WDR82: variants seen among roughly 807,000 people sequenced by gnomAD.
WDR82 encodes the protein WD repeat-containing protein 82.
Under a neutral mutation model 36.1 loss-of-function variants are expected in WDR82, and 8 were observed. The ratio of observed to expected loss-of-function variants is 0.22; its 90% CI spans 0.13 to 0.40. The LOEUF is 0.40. Ranked by LOEUF, WDR82 falls within the 10% of genes least tolerant of loss-of-function variation. The pLI, the probability that WDR82 is intolerant of heterozygous loss-of-function variation, is 1.00. For missense variants in WDR82, 185 were observed against 400.5 expected (o/e 0.46, Z 4.59); for synonymous variants, 129 against 137.8 (o/e 0.94, Z 0.45).
chr3:52,278,174 C>A lies in WDR82; in HGVS notation c.161+27G>T, dbSNP rs1251628854. 14 of 1,564,206 alleles carry A rather than the reference C, an allele frequency of 9.0e-6. No individual in the cohort carries two copies. The Admixed American group carries it at 2.5e-4, about 28-fold the overall frequency. On this transcript the variant is annotated intron_variant, in intron 1 of 8. Coordinates refer to ENST00000296490, the MANE Select transcript of WDR82 (RefSeq NM_025222.4). ...GCCACCGGAGGGAGGCACTGAGACT[C>A]GGGCCCAGGGCCTCCGCCGCACTCA... is the stretch of plus-strand genomic sequence containing the variant.
At position 52,255,220 on chromosome 3, in the gene WDR82, G is replaced by C. The variant is rs898576818; in HGVS notation, c.*2270C>G. On this transcript the variant is annotated 3_prime_UTR_variant, in exon 9 of 9. Transcript: ENST00000296490. ...GCCTCCCAAAGTGCTGGGATTACAG[G>C]TGTGAGCCACCGCGCCCAGCCTTGA... The C allele has an allele frequency of 2.0e-5, 3 of 152,010 alleles. No individual in the cohort carries two copies. Among genetic ancestry groups the C allele is most frequent in the Non-Finnish European group, 4.4e-5 (3 of 68,064 alleles). 9.4% of individuals were successfully genotyped at this position (152,010 alleles called of 1,614,324 possible). A position where few individuals can be genotyped will look rare whatever the true frequency, so the allele number is the denominator to read the frequency against.
At position 52,258,525 on chromosome 3, in the gene WDR82, T is replaced by G. The variant is rs1230602920; in HGVS notation, c.912+11A>C. On this transcript the variant is annotated intron_variant, in intron 8 of 8. Transcript: ENST00000296490. ...TCCCTGAGTAGCAGATACCTCTTAC[T>G]GTTCACATACCATGTTGGAACACGC... The G allele has an allele frequency of 1.8e-5, 29 of 1,613,056 alleles. No homozygotes were observed. The highest frequency in any genetic ancestry group is 2.3e-5 in the Non-Finnish European group (27 of 1,179,892).
chr3:52,263,165 A>G (rs1177180835), intron 3 of WDR82, among the ~76,000 whole-genome samples: 1 of 152,184 alleles, frequency 6.6e-6, no homozygotes, highest in African/African-American at 2.4e-5. Flanking sequence ...CACGTTGTGG[A>G]CATGTAATTT....
Position 52,260,378 on chromosome 3 carries a change from G to A in WDR82, c.543+7C>T. On this transcript the variant is annotated splice_region_variant and intron_variant, in intron 5 of 8. Coordinates refer to ENST00000296490, the MANE Select transcript of WDR82 (RefSeq NM_025222.4). ...AGCTCAAAGATCTCAAAGATTCAAA[G>A]ATTTACCTTATCAAAAGAACGAAGG... 1 of 1,539,716 alleles carries A rather than the reference G, an allele frequency of 6.5e-7. No homozygotes were observed. Among genetic ancestry groups the A allele is most frequent in the Non-Finnish European group, 8.7e-7 (1 of 1,149,394 alleles).
Position 52,257,638 on chromosome 3 carries a change from C to G in WDR82, c.913-119G>C, listed in dbSNP as rs1347568099. On this transcript the variant is annotated intron_variant, in intron 8 of 8. Transcript: ENST00000296490. ...ACCCCAGTGGCTCTGGTAGCCCTCTCTCCTAACCAACCAACCCCGATGCTC... is the reference window on the plus strand; with the variant it reads ...ACCCCAGTGGCTCTGGTAGCCCTCTGTCCTAACCAACCAACCCCGATGCTC... 4 of 1,189,216 alleles carry G rather than the reference C, an allele frequency of 3.4e-6. No individual in the cohort carries two copies. The African/African-American group carries it at 6.1e-5, about 18-fold the overall frequency. 73.7% of individuals were successfully genotyped at this position (1,189,216 alleles called of 1,614,324 possible). A position where few individuals can be genotyped will look rare whatever the true frequency, so the allele number is the denominator to read the frequency against.
At chr3:52,265,679 A>G (rs560636014) in intron 3 of WDR82, among the ~76,000 whole-genome samples, 1 of 151,052 alleles carries the variant, frequency 6.6e-6, no homozygotes, top group African/African-American at 2.4e-5. Context: ...GGGTTCAAGC[A>G]ATTCTCGTGC....
At chr3:52,267,127 C>A in intron 2 of WDR82, 109 bp from the exon 3 acceptor site, 1 of 811,254 alleles carries the variant, frequency 1.2e-6, no homozygotes, top group Non-Finnish European at 2.0e-6. Context: ...ATTCTATATC[C>A]CAAGCAAGGC....
chr3:52,266,347 T>A (rs867880137), intron 3 of WDR82, among the ~76,000 whole-genome samples: 5 of 152,040 alleles, frequency 3.3e-5, no homozygotes, highest in Admixed American at 3.3e-4. Context: ...ATATCTTTAA[T>A]CCACATTTTT....
intron 5 of WDR82, among the ~76,000 whole-genome samples, 188 bp from the exon 6 acceptor site, chr3:52,260,060 G>A (rs1384237827): frequency 6.6e-6 from 1 of 152,204 alleles, no homozygotes; most frequent in Admixed American, 6.5e-5. Context: ...GCCGGGCGCG[G>A]TGGCTCACGC....
intron 8 of WDR82, 46 bp downstream of exon 8, chr3:52,258,490 C>A (rs1651594560): frequency 1.9e-6 from 3 of 1,611,210 alleles, no homozygotes; most frequent in Non-Finnish European, 2.5e-6. Flanking sequence ...ACCACCCCAA[C>A]TGGGAAGGGT....
At chr3:52,264,574 T>C (rs1329020469) in intron 3 of WDR82, among the ~76,000 whole-genome samples, 1 of 152,122 alleles carries the variant, frequency 6.6e-6, no homozygotes, top group Admixed American at 6.5e-5. Context: ...AGATTCTTCT[T>C]TCAAGTTTGA....
chr3:52,266,930 T>G, intron 3 of WDR82, 22 bp downstream of exon 3: 1 of 1,597,482 alleles, frequency 6.3e-7, no homozygotes. Context: ...AACTATCTGC[T>G]TCTATAATAC....
At chr3:52,260,727 A>G (rs1358807397) in intron 4 of WDR82, among the ~76,000 whole-genome samples, 1 of 152,272 alleles carries the variant, frequency 6.6e-6, no homozygotes, top group Non-Finnish European at 1.5e-5. Context: ...CTTTTAAAAA[A>G]CAGGTCTCCA....
At position 52,256,821 on chromosome 3, in the gene WDR82, T is replaced by C. The variant is rs989607530; in HGVS notation, c.*669A>G. The C allele has an allele frequency of 1.3e-5, 2 of 152,780 alleles. No individual in the cohort carries two copies. Among genetic ancestry groups the C allele is most frequent in the African/African-American group, 4.8e-5 (2 of 41,428 alleles). The allele number at this position is 152,780 out of a possible 1,614,324, so 9.5% of individuals were successfully genotyped here. A position where few individuals can be genotyped will look rare whatever the true frequency, so the allele number is the denominator to read the frequency against. ...CCTCCCTTTCAGGCCCTTGGGTCTT[T>C]TTCCCACCCAACACCTACAGCCCGA... On this transcript the variant is annotated 3_prime_UTR_variant, in exon 9 of 9. Transcript: ENST00000296490.
chr3:52,258,415 C>T, intron 8 of WDR82, 121 bp downstream of exon 8: 1 of 1,164,326 alleles, frequency 8.6e-7, no homozygotes, highest in South Asian at 1.4e-5. Flanking sequence ...AGTTGAGAAA[C>T]ATGTACTTGG....
At chr3:52,275,012 G>A (rs1170823939) in intron 1 of WDR82, among the ~76,000 whole-genome samples, 2 of 151,992 alleles carry the variant, frequency 1.3e-5, no homozygotes, top group African/African-American at 2.4e-5. Flanking sequence ...ACCTGAGGTC[G>A]GGAATTCGAG....
intron 3 of WDR82, among the ~76,000 whole-genome samples, chr3:52,265,734 C>G (rs1011355734): frequency 1.3e-5 from 2 of 152,212 alleles, no homozygotes; most frequent in Non-Finnish European, 2.9e-5. Flanking sequence ...CACCACCACT[C>G]CTGGCTAATT....
intron 7 of WDR82, among the ~76,000 whole-genome samples, 170 bp downstream of exon 7, chr3:52,259,027 A>G (rs1009574035): frequency 6.6e-6 from 1 of 152,238 alleles, no homozygotes; most frequent in African/African-American, 2.4e-5. Flanking sequence ...TTTAACTCAA[A>G]TTTTGGTCCA....
At chr3:52,267,176 A>C in intron 2 of WDR82, 158 bp from the exon 3 acceptor site, 1 of 508,088 alleles carries the variant, frequency 2.0e-6, no homozygotes, top group Non-Finnish European at 3.5e-6. Flanking sequence ...TCTGCAGCTG[A>C]AGAGTGGGTA....
Sources: gnomAD v4.1 joint callset for allele counts (sites outside exome capture counted in the v4.1 genomes callset) on GRCh38, gnomAD v4.1.1 for gene constraint, MANE v1.5 for transcripts, NCBI Gene and HGNC (gene_info 2026-07-23, HGNC 2026-07-21) for gene names.